The following MUC13 variants were observed in gnomAD, a reference collection of about 807,000 sequenced individuals.
MUC13 encodes mucin-13.
Under a neutral mutation model 48.3 loss-of-function variants are expected in MUC13, and 32 were observed. The observed-to-expected ratio is 0.66, with a 90% CI of 0.50 to 0.89. The LOEUF (loss-of-function observed/expected upper bound fraction) is 0.89, where lower values mean the gene tolerates loss of function less well. MUC13 is among the 40% of genes least tolerant of loss of function. The pLI is 0.00. For synonymous variants in MUC13, 199 were observed against 224.9 expected, an observed-to-expected ratio of 0.88 and a Z score of 1.03; for missense variants, 571 against 622.8, an observed-to-expected ratio of 0.92 and a Z score of 0.88.
At chr3:124,928,240 T>G (rs1415246030) in intron 1 of MUC13, among the ~76,000 whole-genome samples, 13 of 151,398 alleles carry the variant, frequency 8.6e-5, no homozygotes, top group Admixed American at 2.6e-4. Context: ...TCTGGAAAAA[T>G]GAAAATATAT....
rs1281443224 is a variant in MUC13, at chr3:124,923,461, G to A, written c.637+66C>T. ...TGGAATCTCCTTTTGCCATCATTTT[G>A]AGTTTTCGATTCCACTTTTGGTGTG... On this transcript the variant is annotated intron_variant, in intron 3 of 11. Transcript: ENST00000616727. 5.2e-6 allele frequency: 8 copies of A among 1,530,488 alleles called. No individual in the cohort carries two copies. In the African/African-American group the frequency reaches 9.7e-5, roughly 19 times the overall value. 94.8% of individuals were successfully genotyped at this position (1,530,488 alleles called of 1,614,324 possible). A position where few individuals can be genotyped will look rare whatever the true frequency, so the allele number is the denominator to read the frequency against.
chr3:124,912,438 C>T (rs1935437421), intron 8 of MUC13, among the ~76,000 whole-genome samples: 1 of 152,148 alleles, frequency 6.6e-6, no homozygotes, highest in Non-Finnish European at 1.5e-5. Context: ...AAGCTGAACC[C>T]AAGAGGCATG....
rs184140615 is a variant in MUC13, at chr3:124,923,070, G to A, written c.637+457C>T. ...CATTTCTTATAGAATTGGCTGCTCT[G>A]GAAAATGAAGATATTTCTCATTCAT... On this transcript the variant is annotated intron_variant, in intron 3 of 11. Transcript: ENST00000616727. 2.3e-3 allele frequency among the ~76,000 whole-genome samples: 328 copies of A among 139,850 alleles called. 1 individual carries two copies. Among genetic ancestry groups the A allele is most frequent in the Admixed American group, 4.0e-3 (53 of 13,226 alleles). 91.7% of individuals were successfully genotyped at this position (139,850 alleles called of 152,430 possible).
At chr3:124,922,100 G>A in intron 4 of MUC13, 97 bp downstream of exon 4, 1 of 1,396,870 alleles carries the variant, frequency 7.2e-7, no homozygotes, top group Non-Finnish European at 9.7e-7. Flanking sequence ...TGGTACGATG[G>A]TACGAGCGTG....
In MUC13 at chr3:124,923,823, C is replaced by A. The variant is rs550891453; in HGVS notation, c.515-174G>T. On this transcript the variant is annotated intron_variant, in intron 2 of 11. Coordinates refer to ENST00000616727, the MANE Select transcript of MUC13 (RefSeq NM_033049.4). ...AACAAATATTTGCTTGCTTAGGTCT[C>A]TAGAGAGTTTGTTTCTGAAATTCTA... Among the ~76,000 whole-genome samples, 11 of 152,250 alleles carry A rather than the reference C, an allele frequency of 7.2e-5. No individual in the cohort carries two copies. The South Asian group carries it at 2.3e-3, about 32-fold the overall frequency.
chr3:124,932,318 C>A (rs904373634), intron 1 of MUC13, among the ~76,000 whole-genome samples: 3 of 151,804 alleles, frequency 2.0e-5, no homozygotes, highest in Non-Finnish European at 2.9e-5. Flanking sequence ...GTAATCCCAG[C>A]ACTTTGGGAG....
chr3:124,930,927 C>T (rs1433285656), intron 1 of MUC13, among the ~76,000 whole-genome samples: 2 of 152,170 alleles, frequency 1.3e-5, no homozygotes, highest in Non-Finnish European at 2.9e-5. Context: ...ATGTCACTGG[C>T]ACATTTTTCA....
At position 124,920,438 on chromosome 3, in the gene MUC13, G is replaced by T. The variant is rs540697495; in HGVS notation, c.745-149C>A. 2.5e-5 allele frequency: 16 copies of T among 641,240 alleles called. No individual in the cohort carries two copies. The African/African-American group carries it at 2.6e-4, about 10-fold the overall frequency. 39.7% of individuals were successfully genotyped at this position (641,240 alleles called of 1,614,324 possible). On this transcript the variant is annotated intron_variant, in intron 4 of 11. Transcript: ENST00000616727. ...AAATGGACCCTGGGAGACTTCTTAG[G>T]GTCTGAGCTGGGACTGCCCCCACAA...
intron 6 of MUC13, among the ~76,000 whole-genome samples, chr3:124,914,483 C>T (rs927940894): frequency 6.6e-6 from 1 of 152,100 alleles, no homozygotes; most frequent in Non-Finnish European, 1.5e-5. Context: ...AGTCATATGG[C>T]TCCTCTCTAC....
chr3:124,919,106 G>A (rs1233951025), intron 5 of MUC13, among the ~76,000 whole-genome samples: 2 of 152,042 alleles, frequency 1.3e-5, no homozygotes, highest in East Asian at 3.9e-4. Flanking sequence ...GGGAGGCCGA[G>A]GCGGGTGGAT....
Position 124,908,245 on chromosome 3 carries a change from C to A in MUC13, c.1441G>T (p.Gly481Trp). 1 of 1,614,202 alleles carries A rather than the reference C, an allele frequency of 6.2e-7. No homozygotes were observed. The highest frequency in any genetic ancestry group is 8.5e-7 in the Non-Finnish European group (1 of 1,180,042). ...ATCCTGACCTTAGGAAAGACGCTCC[C>A]TTCTGCTCCAAGATTGGTGAAGCCT... ...STGFTNLGAE[G>W]SVFPKVRITA... Residue 481 changes from glycine to tryptophan, a missense_variant, in exon 11 of 12, where the codon GGG becomes TGG. By Grantham distance (184) the Gly-to-Trp change is radical (BLOSUM62 -2). Transcript: ENST00000616727.
At chr3:124,921,043 G>A (rs1935586175) in intron 4 of MUC13, among the ~76,000 whole-genome samples, 2 of 152,088 alleles carry the variant, frequency 1.3e-5, no homozygotes, top group South Asian at 2.1e-4. Flanking sequence ...TCATTTCCAC[G>A]ATACATTTTT....
chr3:124,912,962 TTGA>T (rs1325058721), intron 8 of MUC13, 146 bp downstream of exon 8: 2 of 496,812 alleles, frequency 4.0e-6, no homozygotes, highest in Admixed American at 3.3e-5. Flanking sequence ...AAAAAAACTA[TTGA>T]TGATGACAAT....
At position 124,932,544 on chromosome 3, in the gene MUC13, C is replaced by T. The variant is rs1335727796; in HGVS notation, c.52+2117G>A. On this transcript the variant is annotated intron_variant, in intron 1 of 11. Coordinates refer to ENST00000616727, the MANE Select transcript of MUC13 (RefSeq NM_033049.4). ...TCGTGCCATTGCACTCCAGCCTGGG[C>T]GACAAGAGTGAAACTCGGTCTCAAA... Among the ~76,000 whole-genome samples, 6 of 149,148 alleles carry T rather than the reference C, an allele frequency of 4.0e-5. No individual in the cohort carries two copies. In the East Asian group the frequency reaches 5.9e-4, roughly 15 times the overall value.
intron 2 of MUC13, among the ~76,000 whole-genome samples, chr3:124,927,226 C>T (rs141116099): frequency 6.6e-6 from 1 of 152,022 alleles, no homozygotes; most frequent in Non-Finnish European, 1.5e-5. Context: ...TAAAAATCCC[C>T]TAGGGAGAGG....
At chr3:124,912,447 T>C (rs906919149) in intron 8 of MUC13, among the ~76,000 whole-genome samples, 4 of 152,110 alleles carry the variant, frequency 2.6e-5, no homozygotes, top group Admixed American at 6.6e-5. Context: ...CCAAGAGGCA[T>C]GGAGGGTAGT....
intron 5 of MUC13, among the ~76,000 whole-genome samples, chr3:124,917,100 C>A (rs1033228155): frequency 1.3e-5 from 2 of 152,052 alleles, no homozygotes; most frequent in Non-Finnish European, 1.5e-5. Context: ...ATATGAAGTG[C>A]CTGCCATGAG....
intron 11 of MUC13, 144 bp from the exon 12 acceptor site, chr3:124,906,886 T>C (rs1297813595): frequency 6.6e-6 from 1 of 152,196 alleles, no homozygotes; most frequent in Non-Finnish European, 1.5e-5. Flanking sequence ...ATTCTCCCTA[T>C]CATTTCTCTC....
chr3:124,917,146 A>C (rs987688415), intron 5 of MUC13, among the ~76,000 whole-genome samples: 6 of 151,860 alleles, frequency 4.0e-5, no homozygotes, highest in African/African-American at 1.5e-4. Flanking sequence ...CTCTCTCTCT[A>C]ATCAGCACTG....
Sources: allele counts gnomAD v4.1 joint callset (sites outside exome capture counted in the v4.1 genomes callset), GRCh38; gene constraint gnomAD v4.1.1; transcripts MANE v1.5; gene names NCBI Gene and HGNC (gene_info 2026-07-23, HGNC 2026-07-21).